CDT1: variants seen among roughly 807,000 people sequenced by gnomAD.
CDT1 encodes chromatin licensing and DNA replication factor 1, also known as DNA replication factor Cdt1.
Under a neutral mutation model 49.3 loss-of-function variants are expected in CDT1, and 66 were observed. The observed-to-expected ratio is 1.34, with a 90% confidence interval of 1.10 to 1.64. CDT1 has a LOEUF of 1.64. CDT1 is among the 40% of genes most tolerant of loss of function. The probability of loss-of-function intolerance (pLI) is 0.00; values close to 1 mark genes in which losing one functional copy is unlikely to be tolerated. For missense variants in CDT1, 958 were observed against 807.7 expected (o/e 1.19, Z -2.26); for synonymous variants, 424 against 347.4 (o/e 1.22, Z -2.45).
chr16:88,808,172 T>C lies in CDT1; in HGVS notation c.1535T>C (p.Leu512Pro). 6.2e-7 allele frequency: 1 copy of C among 1,612,848 alleles called. No homozygotes were observed. Among genetic ancestry groups the C allele is most frequent in the Non-Finnish European group, 8.5e-7 (1 of 1,179,960 alleles). Residue 512 changes from leucine to proline, a missense_variant, in exon 10 of 10, where the codon CTC (leucine) becomes CCC (proline). Leu to Pro is a moderately conservative substitution (Grantham distance 98, BLOSUM62 -3). Coordinates refer to ENST00000301019, the MANE Select transcript of CDT1 (RefSeq NM_030928.4). The stretch of plus-strand genomic sequence containing the variant: ...GAGCTGCTGCCGGACTGGCTCAGCC[T>C]CCACCGCATCCGCACCGACACCTAC... ...LSELLPDWLS[L>P]HRIRTDTYVK...
At chr16:88,806,874 T>G (rs1384697742) in intron 7 of CDT1, among the ~76,000 whole-genome samples, 177 bp from the exon 8 acceptor site, 1 of 152,232 alleles carries the variant, frequency 6.6e-6, no homozygotes. Context: ...ACTAGCCCCA[T>G]GTGGGGAGTT....
At chr16:88,804,347 C>T (rs562554469) in intron 1 of CDT1, among the ~76,000 whole-genome samples, 198 bp from the exon 2 acceptor site, 3 of 152,224 alleles carry the variant, frequency 2.0e-5, no homozygotes, top group East Asian at 1.9e-4. Context: ...AGGGGTCCGA[C>T]CTGGAAACGG....
intron 6 of CDT1, 120 bp from the exon 7 acceptor site, chr16:88,806,366 C>A: frequency 8.0e-7 from 1 of 1,248,204 alleles, no homozygotes; most frequent in Non-Finnish European, 1.1e-6. Context: ...GAGCACTGGG[C>A]AGAGGCTGAG....
chr16:88,807,410 C>T lies in CDT1; in HGVS notation c.1405C>T (p.Arg469Cys), dbSNP rs141750196. 17 of 1,612,818 alleles carry T rather than the reference C, an allele frequency of 1.1e-5. No individual in the cohort carries two copies. In the East Asian group the frequency reaches 1.6e-4, roughly 15 times the overall value. The change falls in exon 9 of 10, where the codon CGC becomes TGC. Residue 469 changes from arginine (R) to cysteine (C), a missense_variant. Arg to Cys is a radical substitution (Grantham distance 180). Coordinates refer to ENST00000301019, the MANE Select transcript of CDT1 (RefSeq NM_030928.4). ...GCTGCGGAGCGTCTTTGTGTCCGAA[C>T]GCAAGCCTGCGCTCAGCATGGAGGT... ...RVLRSVFVSE[R>C]KPALSMEVAC... is the part of the protein sequence containing the mutation.
At position 88,805,838 on chromosome 16, in the gene CDT1, C is replaced by G; in HGVS notation, c.801C>G (p.Tyr267Ter). Residue 267 changes from tyrosine (Y) to a stop codon, truncating the protein, a stop_gained, in exon 5 of 10, where the codon TAC becomes TAG. Transcript: ENST00000301019. LOFTEE classifies it high-confidence loss of function. ...TFKDGTRRSD[Y>*]QLTIEPLLEQ... ...AGGATGGCACCAGGAGGTCAGATTA[C>G]CAGCTCACCATCGAGCCACTGCTGG... 6.2e-7 allele frequency: 1 copy of G among 1,613,040 alleles called. No individual in the cohort carries two copies. The highest frequency in any genetic ancestry group is 8.5e-7 in the Non-Finnish European group (1 of 1,179,978).
chr16:88,806,083 A>C lies in CDT1; in HGVS notation c.895A>C (p.Ser299Arg). ...CCTCCTGCAGCGACGGCAGATCTTC[A>C]GCCAGAAGCTGGTGGAGCATGTCAA... ...SRLLQRRQIF[S>R]QKLVEHVKEH... is the part of the protein sequence containing the mutation. Residue 299 changes from serine to arginine, a missense_variant, in exon 6 of 10, where the codon AGC becomes CGC. Coordinates refer to ENST00000301019, the MANE Select transcript of CDT1 (RefSeq NM_030928.4). 6.2e-7 allele frequency: 1 copy of C among 1,601,940 alleles called. No homozygotes were observed. The highest frequency in any genetic ancestry group is 8.5e-7 in the Non-Finnish European group (1 of 1,177,842).
intron 5 of CDT1, 24 bp downstream of exon 5, chr16:88,805,893 G>C: frequency 1.2e-6 from 2 of 1,611,302 alleles, no homozygotes; most frequent in South Asian, 1.1e-5. Context: ...GCGGGACCTC[G>C]GTTTCCCCAT....
At chr16:88,805,340 G>T in intron 3 of CDT1, 100 bp from the exon 4 acceptor site, 1 of 1,374,542 alleles carries the variant, frequency 7.3e-7, no homozygotes, top group Non-Finnish European at 1.0e-6. Flanking sequence ...TGTGTGGCAT[G>T]GCAGGCCCCA....
In CDT1 at chr16:88,806,668, A is replaced by G; in HGVS notation, c.1116A>G (p.Ser372=). 3 of 1,606,288 alleles carry G rather than the reference A, an allele frequency of 1.9e-6. No homozygotes were observed. Among genetic ancestry groups the G allele is most frequent in the Non-Finnish European group, 2.5e-6 (3 of 1,177,714 alleles). The part of the protein sequence containing the change: ...EVLARARNLI[S]PRMEKALSQL... ...TGGCCCGGGCCCGCAACCTGATTTC[A>G]CCCAGGGTGAGACTGCGAGGCTTGG... The change falls in exon 7 of 10, where the codon TCA becomes TCG. Residue 372 remains serine, a synonymous_variant. Coordinates refer to ENST00000301019, the MANE Select transcript of CDT1 (RefSeq NM_030928.4).
intron 1 of CDT1, 98 bp downstream of exon 1, chr16:88,804,157 C>A: frequency 3.0e-6 from 2 of 671,604 alleles, no homozygotes; most frequent in Non-Finnish European, 4.2e-6. Context: ...GGGACGGGGG[C>A]GGGGAAACAG....
chr16:88,804,776 G>T lies in CDT1; in HGVS notation c.366G>T (p.Glu122Asp), dbSNP rs1235166851. 2 of 1,612,884 alleles carry T rather than the reference G, an allele frequency of 1.2e-6. No individual in the cohort carries two copies. Among genetic ancestry groups the T allele is most frequent in the East Asian group, 2.2e-5 (1 of 44,878 alleles). The change falls in exon 3 of 10, where the codon GAG becomes GAT. Residue 122 changes from glutamate to aspartate, a missense_variant. By Grantham distance (45) the Glu-to-Asp change is conservative (BLOSUM62 2). Coordinates refer to ENST00000301019, the MANE Select transcript of CDT1 (RefSeq NM_030928.4). ...TSAQDQDTIS[E>D]LASCLQRARE... ...TCCCCCTGAAGGACACCATCTCTGAGCTTGCGTCATGCCTGCAACGGGCCC... is the reference window on the plus strand; with the variant it reads ...TCCCCCTGAAGGACACCATCTCTGATCTTGCGTCATGCCTGCAACGGGCCC...
Position 88,805,464 on chromosome 16 carries a change from G to T in CDT1, c.513G>T (p.Gln171His). 1 of 1,612,804 alleles carries T rather than the reference G, an allele frequency of 6.2e-7. No homozygotes were observed. The highest frequency in any genetic ancestry group is 1.7e-4 in the Middle Eastern group (1 of 6,056). Residue 171 changes from glutamine (Q) to histidine (H), a missense_variant, in exon 4 of 10, where the codon CAG (glutamine) becomes CAT (histidine). Transcript: ENST00000301019. The part of the protein sequence containing the change: ...EPCGEKAPAY[Q>H]RFHALAQPGL... ...GTGGCGAGAAGGCGCCCGCCTACCAGCGCTTCCATGCCCTGGCCCAGCCCG... is the reference window on the plus strand; with the variant it reads ...GTGGCGAGAAGGCGCCCGCCTACCATCGCTTCCATGCCCTGGCCCAGCCCG...
chr16:88,805,697 T>C (rs1191511193), intron 4 of CDT1, 27 bp from the exon 5 acceptor site: 2 of 1,612,660 alleles, frequency 1.2e-6, no homozygotes, highest in Non-Finnish European at 1.7e-6. Flanking sequence ...CGGGCCTGCC[T>C]CCTGAGCCGC....
Position 88,807,042 on chromosome 16 carries a change from C to T in CDT1, c.1123-9C>T, listed in dbSNP as rs1271389853. 1 of 1,612,854 alleles carries T rather than the reference C, an allele frequency of 6.2e-7. No homozygotes were observed. Among genetic ancestry groups the T allele is most frequent in the Admixed American group, 1.7e-5 (1 of 60,030 alleles). ...GTGACCTCTCCAGTCCAACCTGTCCCTCCCGCAGATGGAGAAGGCCTTGAG... is the reference window on the plus strand; with the variant it reads ...GTGACCTCTCCAGTCCAACCTGTCCTTCCCGCAGATGGAGAAGGCCTTGAG... On this transcript the variant is annotated splice_polypyrimidine_tract_variant and intron_variant, in intron 7 of 9. Coordinates refer to ENST00000301019, the MANE Select transcript of CDT1 (RefSeq NM_030928.4).
At chr16:88,806,354 C>T in intron 6 of CDT1, 132 bp from the exon 7 acceptor site, 1 of 1,185,096 alleles carries the variant, frequency 8.4e-7, no homozygotes, top group Non-Finnish European at 1.2e-6. Flanking sequence ...TCCCTCCAAG[C>T]TGAGCACTGG....
rs970928322 is a variant in CDT1, at chr16:88,809,206, C to T, written c.*928C>T. On this transcript the variant is annotated 3_prime_UTR_variant, in exon 10 of 10. Coordinates refer to ENST00000301019, the MANE Select transcript of CDT1 (RefSeq NM_030928.4). ...GGACTGGCCTCTGCCCACACCTTGACTTCAGTATTTCTGACCTCCTAAACT... is the reference window on the plus strand; with the variant it reads ...GGACTGGCCTCTGCCCACACCTTGATTTCAGTATTTCTGACCTCCTAAACT... 2.9e-6 allele frequency: 1 copy of T among 346,954 alleles called. No homozygotes were observed. The highest frequency in any genetic ancestry group is 5.7e-6 in the Non-Finnish European group (1 of 175,560). The allele number at this position is 346,954 out of a possible 1,614,324, so 21.5% of individuals were successfully genotyped here. A position where few individuals can be genotyped will look rare whatever the true frequency, so the allele number is the denominator to read the frequency against.
At position 88,804,832 on chromosome 16, in the gene CDT1, A is replaced by G. The variant is rs559019677; in HGVS notation, c.422A>G (p.Lys141Arg). Reference sequence around the variant, plus strand: ...CTGGGGGCAAGAGTCCGGGCGCTGAAGGCCAGTGCCCAGGATGCTGGGGAG... The same window carrying G: ...CTGGGGGCAAGAGTCCGGGCGCTGAGGGCCAGTGCCCAGGATGCTGGGGAG... Reference protein sequence around the residue: ...RELGARVRALKASAQDAGESC... With the variant: ...RELGARVRALRASAQDAGESC... The change falls in exon 3 of 10, where the codon AAG (lysine) becomes AGG (arginine). Residue 141 changes from lysine to arginine, a missense_variant. By Grantham distance (26) the Lys-to-Arg change is conservative (BLOSUM62 2). Coordinates refer to ENST00000301019, the MANE Select transcript of CDT1 (RefSeq NM_030928.4). 17 of 1,612,218 alleles carry G rather than the reference A, an allele frequency of 1.1e-5. No individual in the cohort carries two copies. The Admixed American group carries it at 2.2e-4, about 21-fold the overall frequency.
rs1391163910 is a variant in CDT1 at position 88,806,000 on chromosome 16, A to C, written c.833-21A>C. On this transcript the variant is annotated intron_variant, in intron 5 of 9. Coordinates refer to ENST00000301019, the MANE Select transcript of CDT1 (RefSeq NM_030928.4). ...TGGCTGGGTGGCCTGGTGGGGACTT[A>C]GGCCTGGACTCGTCCCACAGAGGCT... 10 of 1,581,626 alleles carry C rather than the reference A, an allele frequency of 6.3e-6. No individual in the cohort carries two copies. The East Asian group carries it at 2.3e-4, about 36-fold the overall frequency.
At chr16:88,807,710 C>G (rs1005603427) in intron 9 of CDT1, among the ~76,000 whole-genome samples, 6 of 152,204 alleles carry the variant, frequency 3.9e-5, no homozygotes, top group Non-Finnish European at 8.8e-5. Flanking sequence ...GGCAGCTTCC[C>G]CCTCACAGCT....
Sources: allele counts gnomAD v4.1 joint callset (sites outside exome capture counted in the v4.1 genomes callset), GRCh38; gene constraint gnomAD v4.1.1; transcripts MANE v1.5; gene names NCBI Gene and HGNC (gene_info 2026-07-23, HGNC 2026-07-21).